Variants in SIK3 observed in about 807,000 individuals in gnomAD.
SIK3 encodes the protein SIK family kinase 3, also known as serine/threonine-protein kinase SIK3.
Under a neutral mutation model 144.2 loss-of-function variants are expected in SIK3, and 28 were observed. The observed-to-expected ratio is 0.19, with a 90% CI of 0.14 to 0.27. The LOEUF is 0.27. SIK3 is among the 10% of genes least tolerant of loss of function. The pLI is 1.00. For missense variants in SIK3, 1,319 were observed against 1,776.0 expected, an observed-to-expected ratio of 0.74 and a Z score of 4.62; for synonymous variants, 686 against 676.3, an observed-to-expected ratio of 1.01 and a Z score of -0.22.
intron 4 of SIK3, among the ~76,000 whole-genome samples, chr11:116,926,429 G>A (rs900348296): frequency 1.3e-5 from 2 of 152,132 alleles, no homozygotes; most frequent in African/African-American, 4.8e-5. Flanking sequence ...CAGATAAGCA[G>A]ACTAGTAAAA....
intron 1 of SIK3, among the ~76,000 whole-genome samples, chr11:117,011,853 T>A (rs964551217): frequency 1.3e-5 from 2 of 151,970 alleles, no homozygotes; most frequent in Admixed American, 6.6e-5. Context: ...GTACCTGTAG[T>A]CCCAACGACT....
chr11:117,065,067 T>C (rs565849931), intron 1 of SIK3, among the ~76,000 whole-genome samples: 52 of 152,102 alleles, frequency 3.4e-4, no homozygotes, highest in Non-Finnish European at 6.3e-4. Context: ...AAGAACTGCT[T>C]GAACCCAGCA....
chr11:116,914,339 G>C (rs1946501968), intron 4 of SIK3, among the ~76,000 whole-genome samples: 1 of 151,780 alleles, frequency 6.6e-6, no homozygotes, highest in Non-Finnish European at 1.5e-5. Context: ...CTCCCAAGTA[G>C]CTGGGACTAC....
At chr11:117,074,931 CA>C (rs72127154) in intron 1 of SIK3, among the ~76,000 whole-genome samples, 49 of 116,582 alleles carry the variant, frequency 4.2e-4, no homozygotes, top group Non-Finnish European at 4.9e-4. Flanking sequence ...CGTCTCAAAA[CA>C]AAAAAAAAAA....
intron 13 of SIK3, 62 bp downstream of exon 13, chr11:116,873,419 G>C: frequency 1.2e-6 from 2 of 1,611,566 alleles, no homozygotes; most frequent in Non-Finnish European, 1.7e-6. Context: ...CCAACCCCAG[G>C]CTCACAACCT....
intron 1 of SIK3, among the ~76,000 whole-genome samples, chr11:117,033,646 T>C (rs1166590068): frequency 1.4e-5 from 2 of 147,192 alleles, no homozygotes; most frequent in African/African-American, 2.5e-5. Flanking sequence ...GAGGCGGAGC[T>C]TGCAGTGAGC....
At chr11:116,871,189 C>T (rs1282040811) in intron 13 of SIK3, among the ~76,000 whole-genome samples, 3 of 152,222 alleles carry the variant, frequency 2.0e-5, no homozygotes, top group African/African-American at 7.2e-5. Flanking sequence ...TTGCTAGCTA[C>T]CCATAGCCTG....
chr11:116,856,104 G>GT (rs1411371472), intron 21 of SIK3, among the ~76,000 whole-genome samples: 3 of 151,888 alleles, frequency 2.0e-5, no homozygotes, highest in African/African-American at 7.3e-5. Flanking sequence ...GGCTGAGGCA[G>GT]GAGAATGGCG....
intron 3 of SIK3, among the ~76,000 whole-genome samples, chr11:116,928,374 C>T (rs1341745085): frequency 6.6e-6 from 1 of 152,136 alleles, no homozygotes; most frequent in African/African-American, 2.4e-5. Context: ...GTCTCATGAG[C>T]ACTGTCCTTT....
chr11:116,875,896 G>T lies in SIK3; in HGVS notation c.1209C>A (p.Ala403=), dbSNP rs1369745454. Reference sequence around the variant, plus strand: ...TATTGACTGGTGCTTGAAAGGCCAGGGCTCGGGGCATGCTAGGAAGTGCTC... The same window carrying T: ...TATTGACTGGTGCTTGAAAGGCCAGTGCTCGGGGCATGCTAGGAAGTGCTC... ...RLGALPSMPR[A]LAFQAPVNIQ... is the part of the protein sequence containing the mutation. The change falls in exon 9 of 25, where the codon GCC becomes GCA. Residue 403 remains alanine (A), a synonymous_variant. Transcript: ENST00000445177. 18 of 1,609,124 alleles carry T rather than the reference G, an allele frequency of 1.1e-5. No homozygotes were observed. Among genetic ancestry groups the T allele is most frequent in the Non-Finnish European group, 1.5e-5 (18 of 1,178,812 alleles).
chr11:117,097,562 C>G (rs932671648), intron 1 of SIK3, among the ~76,000 whole-genome samples: 8 of 151,988 alleles, frequency 5.3e-5, no homozygotes, highest in Non-Finnish European at 7.4e-5. Context: ...CCCCTTCGCA[C>G]CATCTATCAG....
intron 1 of SIK3, among the ~76,000 whole-genome samples, chr11:117,094,436 T>C (rs1297099493): frequency 6.6e-6 from 1 of 151,324 alleles, no homozygotes; most frequent in African/African-American, 2.4e-5. Context: ...GAGACCCCCA[T>C]CTCTACAAAA....
intron 3 of SIK3, among the ~76,000 whole-genome samples, chr11:116,943,818 CTCTTA>C (rs1380183683): frequency 6.6e-6 from 1 of 151,986 alleles, no homozygotes. Context: ...ACTTCCCCCT[CTCTTA>C]TCTTAACCTT....
At chr11:116,904,457 A>C (rs1945914956) in intron 4 of SIK3, among the ~76,000 whole-genome samples, 1 of 152,150 alleles carries the variant, frequency 6.6e-6, no homozygotes, top group Non-Finnish European at 1.5e-5. Context: ...CCTGTGAACC[A>C]TTACTATTTT....
rs576995656 is a variant in SIK3 at position 117,006,017 on chromosome 11, A to G, written c.274-48953T>C. On this transcript the variant is annotated intron_variant, in intron 1 of 24. Coordinates refer to ENST00000445177, the MANE Select transcript of SIK3 (RefSeq NM_001366686.3). ...GGGAGGGAAGGGAAGGAAGGGGAAC[A>G]GAAAGCAGAGGCCAACAAATAGTGT... 8.2e-4 allele frequency among the ~76,000 whole-genome samples: 125 copies of G among 152,334 alleles called. 1 individual carries two copies. The highest frequency in any genetic ancestry group is 7.9e-3 in the Admixed American group (121 of 15,302).
At chr11:117,060,677 G>A (rs1279371757) in intron 1 of SIK3, among the ~76,000 whole-genome samples, 1 of 151,966 alleles carries the variant, frequency 6.6e-6, no homozygotes, top group Non-Finnish European at 1.5e-5. Flanking sequence ...GGAATTCTTA[G>A]GGTAGTGAAA....
chr11:117,057,485 C>T (rs552278550), intron 1 of SIK3, among the ~76,000 whole-genome samples: 1 of 152,124 alleles, frequency 6.6e-6, no homozygotes, highest in Admixed American at 6.6e-5. Context: ...AGTAGACTGG[C>T]AAGCTGTGAT....
chr11:116,995,347 T>A (rs1320064628), intron 1 of SIK3, among the ~76,000 whole-genome samples: 2 of 145,030 alleles, frequency 1.4e-5, no homozygotes, highest in Non-Finnish European at 3.0e-5. Flanking sequence ...CATTGCAACC[T>A]CCACCTCCCA....
chr11:117,056,355 T>C (rs1042564917), intron 1 of SIK3, among the ~76,000 whole-genome samples: 1 of 151,836 alleles, frequency 6.6e-6, no homozygotes, highest in Non-Finnish European at 1.5e-5. Context: ...AAGGGGAACA[T>C]CACACACTGG....
Sources: gnomAD v4.1 joint callset for allele counts (sites outside exome capture counted in the v4.1 genomes callset) on GRCh38, gnomAD v4.1.1 for gene constraint, MANE v1.5 for transcripts, NCBI Gene and HGNC (gene_info 2026-07-23, HGNC 2026-07-21) for gene names.